The following NOL4L variants were observed in gnomAD, a reference collection of about 807,000 sequenced individuals.
NOL4L encodes nucleolar protein 4 like.
A neutral mutation model predicts 64.5 loss-of-function variants in NOL4L; 7 were observed. That is an observed-to-expected ratio of 0.11 (90% CI 0.06 to 0.20). NOL4L has a LOEUF of 0.20. NOL4L is among the 10% of genes least tolerant of loss of function. NOL4L has a pLI of 1.00. For synonymous variants in NOL4L, 413 were observed against 401.0 expected, an observed-to-expected ratio of 1.03 and a Z score of -0.36; for missense variants, 680 against 967.1, an observed-to-expected ratio of 0.70 and a Z score of 3.94.
chr20:32,454,550 C>T lies in NOL4L; in HGVS notation c.1120-789G>A, dbSNP rs573664012. Among the ~76,000 whole-genome samples the T allele has an allele frequency of 1.2e-4, 19 of 152,354 alleles. No homozygotes were observed. The South Asian group carries it at 3.9e-3, about 32-fold the overall frequency. ...TCCTTAGGAGCAGCTCCCTCTTTTC[C>T]CCCATGCCCCTCCATCTTCTCATCC... is the stretch of plus-strand genomic sequence containing the variant. On this transcript the variant is annotated intron_variant, in intron 6 of 10. Coordinates refer to ENST00000621426, the MANE Select transcript of NOL4L (RefSeq NM_001256798.2).
intron 4 of NOL4L, among the ~76,000 whole-genome samples, chr20:32,501,513 C>G (rs293560): frequency 0.21 from 32,449 of 152,154 alleles, 7,064 homozygotes; most frequent in African/African-American, 0.56. Context: ...GTAGACTTTA[C>G]TTACAATAAT....
intron 10 of NOL4L, chr20:32,449,614 T>C (rs1465899004): frequency 2.6e-5 from 4 of 152,264 alleles, no homozygotes; most frequent in Non-Finnish European, 5.9e-5. Flanking sequence ...AAGGAAACAG[T>C]TGAGTCTGTT....
At chr20:32,487,404 G>A (rs1044619743) in intron 4 of NOL4L, among the ~76,000 whole-genome samples, 5 of 151,844 alleles carry the variant, frequency 3.3e-5, no homozygotes, top group African/African-American at 1.2e-4. Flanking sequence ...GTGGGGGCCA[G>A]GGTGGGCTCT....
chr20:32,465,460 C>T (rs1052546772), intron 5 of NOL4L, among the ~76,000 whole-genome samples: 1 of 152,390 alleles, frequency 6.6e-6, no homozygotes, highest in South Asian at 2.1e-4. Context: ...TCCCCCAACA[C>T]CTACTGGCCA....
At chr20:32,516,729 G>A (rs565264210) in intron 3 of NOL4L, among the ~76,000 whole-genome samples, 3 of 152,288 alleles carry the variant, frequency 2.0e-5, no homozygotes, top group East Asian at 1.9e-4. Flanking sequence ...TGTGAGAGCC[G>A]GGAGAGGCCA....
chr20:32,470,178 C>T (rs1219696309), intron 5 of NOL4L, among the ~76,000 whole-genome samples: 1 of 152,260 alleles, frequency 6.6e-6, no homozygotes, highest in Non-Finnish European at 1.5e-5. Context: ...GAGTAATGTC[C>T]GCTCCCTGCC....
rs906207768 is a variant in NOL4L at position 32,487,345 on chromosome 20, G to A, written c.700-12603C>T. 2.8e-4 allele frequency among the ~76,000 whole-genome samples: 43 copies of A among 151,610 alleles called. 1 individual carries two copies. Among genetic ancestry groups the A allele is most frequent in the African/African-American group, 1.0e-3 (42 of 41,216 alleles). ...CTTAGATCCTGTAGAGATGGAATGAGGTGTGGACAAGGGGTGGGGGAGAGG... is the reference window on the plus strand; with the variant it reads ...CTTAGATCCTGTAGAGATGGAATGAAGTGTGGACAAGGGGTGGGGGAGAGG... On this transcript the variant is annotated intron_variant, in intron 4 of 10. Transcript: ENST00000621426.
chr20:32,474,316 G>A (rs529969511), intron 5 of NOL4L, among the ~76,000 whole-genome samples: 4 of 152,344 alleles, frequency 2.6e-5, no homozygotes, highest in African/African-American at 9.6e-5. Context: ...CCACATTGCA[G>A]AAGCCCATGG....
intron 1 of NOL4L, among the ~76,000 whole-genome samples, chr20:32,558,383 G>A (rs1005357821): frequency 7.2e-5 from 11 of 152,214 alleles, no homozygotes; most frequent in Non-Finnish European, 1.3e-4. Flanking sequence ...GATCTGGGGA[G>A]GGCATGAAAC....
chr20:32,488,747 TTTCCTTCC>T lies in NOL4L; in HGVS notation c.700-14013_700-14006del, dbSNP rs1206813375. On this transcript the variant is annotated intron_variant, in intron 4 of 10. Transcript: ENST00000621426. ...TTCTTTCTTTCTTTTCTTTCTTTCT[TTTCCTTCC>T]TTCCTTCCTTCCTTCCTTCCTTCCT... Among the ~76,000 whole-genome samples the T allele has an allele frequency of 5.4e-3, 581 of 106,872 alleles. 19 individuals carry two copies. The highest frequency in any genetic ancestry group is 9.2e-3 in the Middle Eastern group (2 of 218). The allele number at this position is 106,872 out of a possible 152,430, so 70.1% of individuals were successfully genotyped here.
chr20:32,579,899 C>A (rs1332154809), intron 1 of NOL4L, among the ~76,000 whole-genome samples: 1 of 151,818 alleles, frequency 6.6e-6, no homozygotes, highest in African/African-American at 2.4e-5. Context: ...GAGGCATCCT[C>A]CCTCCTCCCC....
At position 32,453,691 on chromosome 20, in the gene NOL4L, G is replaced by T. The variant is rs1453777171; in HGVS notation, c.1190C>A (p.Thr397Lys). 6.4e-7 allele frequency: 1 copy of T among 1,566,750 alleles called. No individual in the cohort carries two copies. The highest frequency in any genetic ancestry group is 8.7e-7 in the Non-Finnish European group (1 of 1,155,596). ...TEVSGCPEDL[T>K]VGRAPTADDD... ...ATCTGCCGTCGGGGCCCGGCCCACT[G>T]TCAGGTCCTCAGGGCAGCCGCTGAC... Residue 397 changes from threonine (T) to lysine (K), a missense_variant, in exon 7 of 11, where the codon ACA becomes AAA. Around this residue, in one of 4 missense-constraint regions of NOL4L, gnomAD observed 254 missense variants for 238.7 expected, o/e 1.06. Transcript: ENST00000621426. This position sits in a 1 kb window ranked among gnomAD's most constrained non-coding sequence, Gnocchi z 5.6.
intron 4 of NOL4L, among the ~76,000 whole-genome samples, chr20:32,488,237 A>C (rs2016178131): frequency 1.3e-5 from 2 of 152,140 alleles, no homozygotes; most frequent in Admixed American, 6.5e-5. Flanking sequence ...TTTGGCACCA[A>C]ATTTTCCTCT....
intron 4 of NOL4L, chr20:32,475,264 G>A (rs1041979668): frequency 7.1e-6 from 7 of 985,332 alleles, no homozygotes; most frequent in Admixed American, 1.2e-4. Context: ...CCCAGAGGAC[G>A]TTTCTGTCTT....
At chr20:32,519,369 A>G (rs2017823651) in intron 3 of NOL4L, 1 of 152,218 alleles carries the variant, frequency 6.6e-6, no homozygotes, top group African/African-American at 2.4e-5. Context: ...TTGTCTGCTC[A>G]GGCTTTGCTG....
chr20:32,557,939 C>T (rs1381051753), intron 1 of NOL4L, among the ~76,000 whole-genome samples: 2 of 152,138 alleles, frequency 1.3e-5, no homozygotes, highest in Admixed American at 6.5e-5. Flanking sequence ...GTGGCACCCA[C>T]CTGTAATCCC....
intron 1 of NOL4L, among the ~76,000 whole-genome samples, chr20:32,572,727 T>C (rs751188223): frequency 1.3e-5 from 2 of 152,084 alleles, no homozygotes; most frequent in Non-Finnish European, 2.9e-5. Context: ...CTCCTCCAGA[T>C]CTGGGGGCTG....
At chr20:32,485,658 C>A in intron 4 of NOL4L, 2 of 434,122 alleles carry the variant, frequency 4.6e-6, no homozygotes, top group Non-Finnish European at 4.9e-6. Context: ...TTTATTTATC[C>A]ACACATGCTG....
intron 4 of NOL4L, among the ~76,000 whole-genome samples, chr20:32,498,112 T>C (rs1288273464): frequency 2.6e-5 from 4 of 152,188 alleles, no homozygotes; most frequent in African/African-American, 9.7e-5. Flanking sequence ...CTGGGGACAA[T>C]GAGCTGTTCA....
Sources: allele counts gnomAD v4.1 joint callset (sites outside exome capture counted in the v4.1 genomes callset), GRCh38; gene constraint gnomAD v4.1.1; regional missense constraint gnomAD v4.1.1; non-coding constraint Gnocchi (gnomAD v3.1); transcripts MANE v1.5; gene names NCBI Gene and HGNC (gene_info 2026-07-23, HGNC 2026-07-21).